Variants in PIK3C2A observed in about 807,000 individuals in gnomAD.
PIK3C2A encodes phosphatidylinositol-4-phosphate 3-kinase catalytic subunit type 2 alpha, also known as phosphatidylinositol 4-phosphate 3-kinase C2 domain-containing subunit alpha.
Under a neutral mutation model 204.5 loss-of-function variants are expected in PIK3C2A, and 97 were observed. The ratio of observed to expected loss-of-function variants is 0.47; its 90% CI spans 0.40 to 0.56. The LOEUF is 0.56. PIK3C2A is among the 20% of genes least tolerant of loss of function. The pLI is 0.00. For missense variants in PIK3C2A, 1,735 were observed against 1,969.2 expected (o/e 0.88, Z 2.25); for synonymous variants, 653 against 664.4 (o/e 0.98, Z 0.26).
chr11:17,166,442 T>C (rs1334389671), intron 2 of PIK3C2A, among the ~76,000 whole-genome samples: 1 of 152,196 alleles, frequency 6.6e-6, no homozygotes, highest in Non-Finnish European at 1.5e-5. Flanking sequence ...ACATTGCATC[T>C]GGAATGGTAA....
chr11:17,119,698 T>C (rs370442090), intron 16 of PIK3C2A, 88 bp downstream of exon 16: 1 of 751,888 alleles, frequency 1.3e-6, no homozygotes, highest in East Asian at 2.7e-5. Context: ...ATTGCTTTCA[T>C]GTTAAAAGGA....
chr11:17,147,768 TA>T, intron 5 of PIK3C2A, 140 bp from the exon 6 acceptor site: 1 of 581,906 alleles, frequency 1.7e-6, no homozygotes. Flanking sequence ...TCTGAGCATT[TA>T]AACAGAGAAA....
chr11:17,164,984 T>G (rs1199343020), intron 2 of PIK3C2A, among the ~76,000 whole-genome samples: 1 of 152,086 alleles, frequency 6.6e-6, no homozygotes, highest in East Asian at 1.9e-4. Context: ...CTTACATGGG[T>G]GTCACACCCC....
intron 24 of PIK3C2A, among the ~76,000 whole-genome samples, chr11:17,101,859 T>G (rs1440096912): frequency 1.3e-5 from 2 of 151,968 alleles, no homozygotes; most frequent in African/African-American, 4.8e-5. Context: ...CGCCTTGGCC[T>G]CCCAAAGTGC....
At chr11:17,166,644 GC>G (rs1431070248) in intron 2 of PIK3C2A, among the ~76,000 whole-genome samples, 1 of 152,198 alleles carries the variant, frequency 6.6e-6, no homozygotes, top group Non-Finnish European at 1.5e-5. Flanking sequence ...CAAGGCTTGA[GC>G]CTAAGCGCAG....
intron 1 of PIK3C2A, among the ~76,000 whole-genome samples, chr11:17,196,800 G>A (rs1262095300): frequency 6.6e-6 from 1 of 152,014 alleles, no homozygotes; most frequent in Non-Finnish European, 1.5e-5. Flanking sequence ...TCGATCTCCT[G>A]ACCTCGTGAT....
At chr11:17,205,194 G>A (rs1362728957) in intron 1 of PIK3C2A, among the ~76,000 whole-genome samples, 11 of 149,164 alleles carry the variant, frequency 7.4e-5, no homozygotes, top group Admixed American at 4.7e-4. Flanking sequence ...AAAAAGAGCC[G>A]GGCAGGGTAG....
rs764932795 is a variant in PIK3C2A, at chr11:17,117,586, G to A, written c.3121C>T (p.Arg1041Ter). The stretch of plus-strand genomic sequence containing the variant: ...TGTTTTAGAAGTTCTTCTCTAAGTC[G>A]TTTTCCTCCTACTGACAGGAGAGCA... Reference protein sequence around the residue: ...LGALLSVGGKRLREELLKQTK... With the variant: ...LGALLSVGGK Residue 1041 changes from arginine to a stop codon, truncating the protein, a stop_gained, in exon 19 of 33, where the codon CGA becomes TGA. Transcript: ENST00000691414. LOFTEE classifies it high-confidence loss of function. 2 of 1,612,402 alleles carry A rather than the reference G, an allele frequency of 1.2e-6. No individual in the cohort carries two copies. Among genetic ancestry groups the A allele is most frequent in the Middle Eastern group, 1.7e-4 (1 of 6,060 alleles).
At chr11:17,181,229 T>C (rs1319021242) in intron 1 of PIK3C2A, among the ~76,000 whole-genome samples, 1 of 152,098 alleles carries the variant, frequency 6.6e-6, no homozygotes, top group African/African-American at 2.4e-5. Flanking sequence ...TCTCTGGCCA[T>C]TGGTAATTGG....
At position 17,124,161 on chromosome 11, in the gene PIK3C2A, C is replaced by G. The variant is rs934178174; in HGVS notation, c.2400-1348G>C. Among the ~76,000 whole-genome samples, 9 of 152,176 alleles carry G rather than the reference C, an allele frequency of 5.9e-5. No individual in the cohort carries two copies. The East Asian group carries it at 1.7e-3, about 29-fold the overall frequency. On this transcript the variant is annotated intron_variant, in intron 13 of 32. Transcript: ENST00000691414. ...GAATTACAGGTGTGAGCCACCACACCGGGCTATAGTCTGTTATGTCTAAGA... is the reference window on the plus strand; with the variant it reads ...GAATTACAGGTGTGAGCCACCACACGGGGCTATAGTCTGTTATGTCTAAGA...
In PIK3C2A at chr11:17,145,670, C is replaced by G. The variant is rs149507062; in HGVS notation, c.1702G>C (p.Glu568Gln). ...HNQVELALQI[E>Q]NQHRAVDQVI... is the part of the protein sequence containing the mutation. ...CCAAAATGTGAATTAAGACTTACTT[C>G]AATTTGAAGAGCCAGTTCTACTTGG... The change falls in exon 8 of 33, where the codon GAA (glutamate) becomes CAA (glutamine). Residue 568 changes from glutamate (E) to glutamine (Q), a missense_variant and splice_region_variant. By Grantham distance (29) the Glu-to-Gln change is conservative. Around this residue, in one of 6 missense-constraint regions of PIK3C2A, gnomAD observed 106 missense variants for 108.2 expected, o/e 0.98. Transcript: ENST00000691414. 2.5e-5 allele frequency: 40 copies of G among 1,588,746 alleles called. No homozygotes were observed. The African/African-American group carries it at 5.0e-4, about 20-fold the overall frequency.
chr11:17,181,705 C>T (rs556870142), intron 1 of PIK3C2A, among the ~76,000 whole-genome samples: 14 of 130,360 alleles, frequency 1.1e-4, no homozygotes, highest in Non-Finnish European at 2.0e-4. Context: ...AACACACACA[C>T]ACGATTTGAT....
chr11:17,202,258 A>AG (rs1255346835), intron 1 of PIK3C2A, among the ~76,000 whole-genome samples: 1 of 128,448 alleles, frequency 7.8e-6, no homozygotes, highest in East Asian at 2.7e-4. Flanking sequence ...CTTCATCTCC[A>AG]GAAAAAAAAA....
chr11:17,132,315 A>ATTTT (rs11307715), intron 11 of PIK3C2A, among the ~76,000 whole-genome samples: 5 of 78,770 alleles, frequency 6.3e-5, no homozygotes, highest in East Asian at 3.2e-4. Flanking sequence ...ATTAACTTTA[A>ATTTT]TTTTTTTTTT....
At chr11:17,162,417 T>C (rs1006450430) in intron 2 of PIK3C2A, among the ~76,000 whole-genome samples, 2 of 151,890 alleles carry the variant, frequency 1.3e-5, no homozygotes, top group African/African-American at 4.8e-5. Flanking sequence ...TCTAAGTCAA[T>C]GTCTCAAATA....
chr11:17,164,144 A>G (rs1297786320), intron 2 of PIK3C2A, among the ~76,000 whole-genome samples: 1 of 152,098 alleles, frequency 6.6e-6, no homozygotes, highest in African/African-American at 2.4e-5. Context: ...GACATACTCT[A>G]GGCTGGGCAC....
chr11:17,136,341 C>A, intron 9 of PIK3C2A, 141 bp downstream of exon 9: 1 of 653,182 alleles, frequency 1.5e-6, no homozygotes, highest in Middle Eastern at 4.1e-4. Flanking sequence ...CCAAGGAATC[C>A]CCACCTAACC....
At position 17,118,710 on chromosome 11, in the gene PIK3C2A, A is replaced by G; in HGVS notation, c.2970T>C (p.Ser990=). The G allele has an allele frequency of 6.4e-7, 1 of 1,561,028 alleles. No individual in the cohort carries two copies. Among genetic ancestry groups the G allele is most frequent in the Non-Finnish European group, 8.8e-7 (1 of 1,133,128 alleles). Residue 990 remains serine (S), a synonymous_variant, in exon 18 of 33, where the codon AGT becomes AGC. Coordinates refer to ENST00000691414, the MANE Select transcript of PIK3C2A (RefSeq NM_002645.4). ...QALKYEIYLN[S]SLVQFLLSRA... Reference sequence around the variant, plus strand: ...TGGACAAAAGGAATTGCACTAATGAACTATTCAAGTAAATTTCATATTTCA... The same window carrying G: ...TGGACAAAAGGAATTGCACTAATGAGCTATTCAAGTAAATTTCATATTTCA...
At chr11:17,142,961 A>ATT (rs74989804) in intron 8 of PIK3C2A, among the ~76,000 whole-genome samples, 1 of 142,256 alleles carries the variant, frequency 7.0e-6, no homozygotes, top group Non-Finnish European at 1.5e-5. Context: ...CGGGGTGGGG[A>ATT]TTTTTTTTTT....
Sources: allele counts gnomAD v4.1 joint callset (sites outside exome capture counted in the v4.1 genomes callset), GRCh38; gene constraint gnomAD v4.1.1; regional missense constraint gnomAD v4.1.1; transcripts MANE v1.5; gene names NCBI Gene and HGNC (gene_info 2026-07-23, HGNC 2026-07-21).